The following TACC2 variants were observed in gnomAD, a reference collection of about 807,000 sequenced individuals.
The protein encoded by TACC2 is transforming acidic coiled-coil containing protein 2, also known as transforming acidic coiled-coil-containing protein 2.
Under a neutral mutation model 227.3 loss-of-function variants are expected in TACC2, and 137 were observed. That is an observed-to-expected ratio of 0.60 (90% CI 0.52 to 0.69). TACC2 has a LOEUF of 0.69. Among genes scored for constraint, TACC2 ranks in the 30% least tolerant of loss-of-function variants. TACC2 has a pLI of 0.00. For synonymous variants in TACC2, 1,523 were observed against 1,487.5 expected (o/e 1.02, Z -0.55); for missense variants, 3,470 against 3,694.4 (o/e 0.94, Z 1.57).
chr10:122,139,208 C>T (rs1295125206), intron 6 of TACC2, among the ~76,000 whole-genome samples: 1 of 152,234 alleles, frequency 6.6e-6, no homozygotes, highest in African/African-American at 2.4e-5. Context: ...CACGGGCTCT[C>T]TCTGTGAAGG....
At chr10:122,125,693 A>G (rs1310201256) in intron 5 of TACC2, among the ~76,000 whole-genome samples, 3 of 149,686 alleles carry the variant, frequency 2.0e-5, no homozygotes, top group African/African-American at 7.3e-5. Context: ...TGCCAGGTTT[A>G]TTGGCTGTAA....
rs373322084 is a variant in TACC2 at position 122,085,377 on chromosome 10, G to C, written c.2877G>C (p.Ser959=). 2 of 1,613,862 alleles carry C rather than the reference G, an allele frequency of 1.2e-6. No individual in the cohort carries two copies. The highest frequency in any genetic ancestry group is 1.6e-4 in the Middle Eastern group (1 of 6,084). The part of the protein sequence containing the change: ...PEGACGDGQS[S]RVSPPAADVL... ...GAGCATGCGGTGATGGTCAGTCCTCGAGGGTCTCGCCTCCAGCAGCAGATG... is the reference window on the plus strand; with the variant it reads ...GAGCATGCGGTGATGGTCAGTCCTCCAGGGTCTCGCCTCCAGCAGCAGATG... The change falls in exon 4 of 23, where the codon TCG becomes TCC. Residue 959 remains serine (S), a synonymous_variant. Coordinates refer to ENST00000369005, the MANE Select transcript of TACC2 (RefSeq NM_206862.4).
chr10:122,077,117 A>C (rs1170018267), intron 3 of TACC2, among the ~76,000 whole-genome samples: 5 of 150,152 alleles, frequency 3.3e-5, no homozygotes, highest in African/African-American at 1.2e-4. Context: ...TCTGTCTCAA[A>C]AAAAAAAAAA....
At chr10:122,042,729 C>T (rs1052503052) in intron 2 of TACC2, among the ~76,000 whole-genome samples, 2 of 152,154 alleles carry the variant, frequency 1.3e-5, no homozygotes, top group Admixed American at 6.6e-5. Context: ...TCTACAGATA[C>T]GGTACTCGAG....
intron 1 of TACC2, among the ~76,000 whole-genome samples, chr10:122,018,518 A>G (rs1450464207): frequency 6.6e-6 from 1 of 152,148 alleles, no homozygotes; most frequent in Non-Finnish European, 1.5e-5. Context: ...CCCTAAAAAA[A>G]AATCCTGTGC....
At chr10:122,163,872 G>T (rs1466925113) in intron 7 of TACC2, 12 of 1,537,382 alleles carry the variant, frequency 7.8e-6, no homozygotes, top group African/African-American at 1.4e-5. Context: ...CAGGAATCGC[G>T]CCAGGACGCT....
chr10:122,026,211 C>A, intron 2 of TACC2, among the ~76,000 whole-genome samples: 1 of 149,938 alleles, frequency 6.7e-6, no homozygotes, highest in South Asian at 2.1e-4. Context: ...ATCTGTACTC[C>A]CAGCTACTCG....
At position 122,226,464 on chromosome 10, in the gene TACC2, C is replaced by T. The variant is rs779772714; in HGVS notation, c.7707C>T (p.Ser2569=). 6.2e-7 allele frequency: 1 copy of T among 1,613,512 alleles called. No homozygotes were observed. The highest frequency in any genetic ancestry group is 8.5e-7 in the Non-Finnish European group (1 of 1,179,652). ...CATCTCCCGTCCGCATGTCAGAGTCCCCGACGCCGTGTTCAGGGTATGACT... is the reference window on the plus strand; with the variant it reads ...CATCTCCCGTCCGCATGTCAGAGTCTCCGACGCCGTGTTCAGGGTATGACT... ...VKSSPVRMSE[S]PTPCSGSSFE... is the part of the protein sequence containing the mutation. The change falls in exon 13 of 23, where the codon TCC becomes TCT. Residue 2569 remains serine, a synonymous_variant. Transcript: ENST00000369005.
At chr10:122,135,177 G>A (rs182900810) in intron 6 of TACC2, among the ~76,000 whole-genome samples, 7 of 152,254 alleles carry the variant, frequency 4.6e-5, no homozygotes, top group Admixed American at 6.5e-5. Flanking sequence ...GCTCTGGCCC[G>A]GCTGCCCACC....
chr10:122,151,771 G>A (rs564330637), intron 7 of TACC2, among the ~76,000 whole-genome samples: 4 of 152,176 alleles, frequency 2.6e-5, no homozygotes, highest in African/African-American at 7.2e-5. Context: ...AGCAGTGGCC[G>A]TGGGGATGGA....
chr10:122,176,644 A>G (rs1335418438), intron 7 of TACC2, among the ~76,000 whole-genome samples: 1 of 152,228 alleles, frequency 6.6e-6, no homozygotes, highest in Non-Finnish European at 1.5e-5. Flanking sequence ...AGCTGCTGAA[A>G]GGCCTGATGT....
chr10:122,203,653 A>G (rs2094974387), intron 8 of TACC2, among the ~76,000 whole-genome samples: 2 of 151,242 alleles, frequency 1.3e-5, no homozygotes, highest in African/African-American at 4.9e-5. Context: ...GGCCGGGAAG[A>G]GACGCTCCTC....
Position 122,242,020 on chromosome 10 carries a change from G to A in TACC2, c.8392+19G>A, listed in dbSNP as rs765132515. ...ATGATAGGTAGGTGTCCTGACCTGC[G>A]GGGGCTCAGGCCGGCCCCGATGTTT... is the stretch of plus-strand genomic sequence containing the variant. On this transcript the variant is annotated intron_variant, in intron 19 of 22. Coordinates refer to ENST00000369005, the MANE Select transcript of TACC2 (RefSeq NM_206862.4). 1.4e-5 allele frequency: 22 copies of A among 1,612,158 alleles called. No individual in the cohort carries two copies. In the East Asian group the frequency reaches 2.9e-4, roughly 21 times the overall value.
At position 122,164,143 on chromosome 10, in the gene TACC2, T is replaced by A. The variant is rs571177661; in HGVS notation, c.5834+20437T>A. ...AGCCTTGGAAAGCTTTACCTGGGGC[T>A]GCTCTGGGAGGAGCATCTGGTAGCC... On this transcript the variant is annotated intron_variant, in intron 7 of 22. Transcript: ENST00000369005. 9.5e-4 allele frequency: 870 copies of A among 916,210 alleles called. 16 individuals carry two copies. In the South Asian group the frequency reaches 0.013, roughly 14 times the overall value. The allele number at this position is 916,210 out of a possible 1,614,324, so 56.8% of individuals were successfully genotyped here. A position where few individuals can be genotyped will look rare whatever the true frequency, so the allele number is the denominator to read the frequency against.
chr10:121,990,060 ATTTC>A (rs781308463), intron 1 of TACC2, among the ~76,000 whole-genome samples: 1 of 151,558 alleles, frequency 6.6e-6, no homozygotes, highest in African/African-American at 2.4e-5. Context: ...TATTTTAAAT[ATTTC>A]TTTAATTCTG....
intron 5 of TACC2, among the ~76,000 whole-genome samples, chr10:122,114,778 C>T (rs981156164): frequency 2.6e-5 from 4 of 152,222 alleles, no homozygotes; most frequent in African/African-American, 4.8e-5. Flanking sequence ...TGTTATGGAA[C>T]TGCCTTATGG....
At chr10:122,241,368 T>C (rs781310572) in intron 18 of TACC2, among the ~76,000 whole-genome samples, 1 of 152,184 alleles carries the variant, frequency 6.6e-6, no homozygotes. Flanking sequence ...CATAGCTCAC[T>C]GTAGCCTCAG....
chr10:122,085,794 G>A lies in TACC2; in HGVS notation c.3294G>A (p.Gln1098=), dbSNP rs746589548. 3 of 1,613,634 alleles carry A rather than the reference G, an allele frequency of 1.9e-6. No individual in the cohort carries two copies. Among genetic ancestry groups the A allele is most frequent in the Non-Finnish European group, 2.5e-6 (3 of 1,179,768 alleles). ...GRQQPVPAPQ[Q]KMECWATSDA... ...AGCAACCAGTGCCGGCCCCGCAGCA[G>A]AAAATGGAGTGCTGGGCCACTTCGG... Residue 1098 remains glutamine (Q), a synonymous_variant, in exon 4 of 23, where the codon CAG becomes CAA. Transcript: ENST00000369005.
chr10:122,248,752 C>T lies in TACC2; in HGVS notation c.8502C>T (p.Asp2834=). Residue 2834 remains aspartate (D), a synonymous_variant, in exon 20 of 23, where the codon GAC becomes GAT. Coordinates refer to ENST00000369005, the MANE Select transcript of TACC2 (RefSeq NM_206862.4). ...DLNSVEKSLA[D]LFRRYEKMKE... is the part of the protein sequence containing the mutation. ...ACTCCGTGGAGAAGTCTCTGGCCGA[C>T]CTCTTCAGAAGATATGAGAAGATGA... 1 of 1,614,172 alleles carries T rather than the reference C, an allele frequency of 6.2e-7. No individual in the cohort carries two copies. The highest frequency in any genetic ancestry group is 8.5e-7 in the Non-Finnish European group (1 of 1,180,044).
Sources: allele counts gnomAD v4.1 joint callset (sites outside exome capture counted in the v4.1 genomes callset), GRCh38; gene constraint gnomAD v4.1.1; transcripts MANE v1.5; gene names NCBI Gene and HGNC (gene_info 2026-07-23, HGNC 2026-07-21).